KCNJ6: variants seen among roughly 807,000 people sequenced by gnomAD.
KCNJ6 encodes G protein-activated inward rectifier potassium channel 2.
In KCNJ6, 9 loss-of-function variants were observed where a neutral mutation model predicts 34.2. That is an observed-to-expected ratio of 0.26 (90% confidence interval 0.16 to 0.46). KCNJ6 has a LOEUF of 0.46. KCNJ6 is among the 20% of genes least tolerant of loss of function. The probability of loss-of-function intolerance (pLI) is 1.00; values close to 1 mark genes in which losing one functional copy is unlikely to be tolerated. For synonymous variants in KCNJ6, 196 were observed against 207.1 expected (o/e 0.95, Z 0.46); for missense variants, 236 against 531.3 (o/e 0.44, Z 5.46).
rs2054780265 is a variant in KCNJ6, at chr21:37,714,665, G to A, written c.492C>T (p.Cys164=). The change falls in exon 3 of 4, where the codon TGC becomes TGT. Residue 164 remains cysteine, a synonymous_variant. Coordinates refer to ENST00000609713, the MANE Select transcript of KCNJ6 (RefSeq NM_002240.5). The surrounding 1 kb of genome is among the most constrained non-coding windows in gnomAD (Gnocchi z 5.9). The part of the protein sequence containing the change: ...GYGYRVITDK[C]PEGIILLLIQ... ...TTAAGAGAAGAATAATTCCCTCTGG[G>A]CATTTATCTGTGATGACCCGGTAGC... The A allele has an allele frequency of 6.2e-7, 1 of 1,613,972 alleles. No individual in the cohort carries two copies.
chr21:37,804,691 C>A lies in KCNJ6; in HGVS notation c.25+35967G>T, dbSNP rs533610202. On this transcript the variant is annotated intron_variant, in intron 2 of 3. Transcript: ENST00000609713. ...TGCGGTATTTGGTTTTCTGTTCCTG[C>A]ATTAGCTTGGTAAGGATAATGGCCT... 7.9e-5 allele frequency among the ~76,000 whole-genome samples: 12 copies of A among 152,288 alleles called. No homozygotes were observed. The South Asian group carries it at 2.5e-3, about 32-fold the overall frequency.
At chr21:37,646,032 T>G (rs2054402799) in intron 3 of KCNJ6, among the ~76,000 whole-genome samples, 1 of 152,198 alleles carries the variant, frequency 6.6e-6, no homozygotes, top group Admixed American at 6.5e-5. Flanking sequence ...GTTTATAGAA[T>G]GTGAGACAAG....
At chr21:37,749,421 G>A (rs1460698116) in intron 2 of KCNJ6, among the ~76,000 whole-genome samples, 1 of 152,192 alleles carries the variant, frequency 6.6e-6, no homozygotes, top group Non-Finnish European at 1.5e-5. Flanking sequence ...GGGGCACCAT[G>A]CAGGGAGCCC....
rs1392848317 is a variant in KCNJ6 at position 37,695,669 on chromosome 21, G to A, written c.946+18542C>T. Among the ~76,000 whole-genome samples the A allele has an allele frequency of 1.3e-5, 2 of 152,180 alleles. No individual in the cohort carries two copies. Among genetic ancestry groups the A allele is most frequent in the Admixed American group, 6.5e-5 (1 of 15,286 alleles). ...TGAGCTATGAGTTTAGTTCAGATAC[G>A]TGTACTTAGCAGCCAGTTAAGCTGG... is the stretch of plus-strand genomic sequence containing the variant. On this transcript the variant is annotated intron_variant, in intron 3 of 3. Transcript: ENST00000609713. This position sits in a 1 kb window ranked among gnomAD's most constrained non-coding sequence, Gnocchi z 4.2.
At chr21:37,907,985 A>T (rs941678438) in intron 1 of KCNJ6, among the ~76,000 whole-genome samples, 1 of 152,246 alleles carries the variant, frequency 6.6e-6, no homozygotes, top group African/African-American at 2.4e-5. Flanking sequence ...GACATTATTT[A>T]CTTTGGAATG....
intron 3 of KCNJ6, among the ~76,000 whole-genome samples, chr21:37,706,422 T>C (rs988514074): frequency 6.6e-6 from 1 of 152,194 alleles, no homozygotes; most frequent in Non-Finnish European, 1.5e-5. Flanking sequence ...GGCACTGCCA[T>C]ATGACTTGCT....
chr21:37,844,087 T>A (rs2055494449), intron 1 of KCNJ6, among the ~76,000 whole-genome samples: 1 of 145,900 alleles, frequency 6.9e-6, no homozygotes. Context: ...TGAGATGGAG[T>A]CTTGCTCTGT....
At chr21:37,802,179 T>C (rs2123532971) in intron 2 of KCNJ6, among the ~76,000 whole-genome samples, 1 of 152,302 alleles carries the variant, frequency 6.6e-6, no homozygotes, top group East Asian at 1.9e-4. Context: ...CCTCATCCTG[T>C]GGTCCTTTCT....
chr21:37,836,346 C>T (rs946153272), intron 2 of KCNJ6, among the ~76,000 whole-genome samples: 209 of 152,304 alleles, frequency 1.4e-3, no homozygotes, highest in African/African-American at 4.7e-3. Context: ...CCTCAAGGAT[C>T]TAGAACCAGA....
chr21:37,670,710 A>G (rs2123407648), intron 3 of KCNJ6, among the ~76,000 whole-genome samples: 1 of 152,220 alleles, frequency 6.6e-6, no homozygotes, highest in East Asian at 1.9e-4. Context: ...GGCTGCAGTC[A>G]CCCAAGATCG....
intron 2 of KCNJ6, among the ~76,000 whole-genome samples, chr21:37,835,285 G>T (rs1035817097): frequency 7.2e-5 from 11 of 152,130 alleles, no homozygotes; most frequent in Middle Eastern, 3.2e-3. Flanking sequence ...GGTTGGAGGT[G>T]GGGGGTCCTA....
intron 3 of KCNJ6, among the ~76,000 whole-genome samples, chr21:37,710,779 C>T (rs551695176): frequency 3.6e-4 from 55 of 152,320 alleles, no homozygotes; most frequent in Middle Eastern, 3.4e-3. Context: ...CGTTTGTTTA[C>T]GTAGCTATGA....
chr21:37,791,466 C>A (rs1313409819), intron 2 of KCNJ6, among the ~76,000 whole-genome samples: 1 of 152,196 alleles, frequency 6.6e-6, no homozygotes, highest in Non-Finnish European at 1.5e-5. Flanking sequence ...AGCACATTGT[C>A]CCCTGACAAG....
intron 2 of KCNJ6, among the ~76,000 whole-genome samples, chr21:37,787,104 T>C (rs1449359871): frequency 6.6e-6 from 1 of 152,194 alleles, no homozygotes; most frequent in East Asian, 1.9e-4. Context: ...TTTTGTCCTC[T>C]GAATTCAGGC....
At chr21:37,681,065 A>G (rs2054588511) in intron 3 of KCNJ6, among the ~76,000 whole-genome samples, 1 of 152,218 alleles carries the variant, frequency 6.6e-6, no homozygotes, top group African/African-American at 2.4e-5. Flanking sequence ...CCTGAGGATC[A>G]TGTTGGTTGT....
At chr21:37,729,048 A>G (rs2054870314) in intron 2 of KCNJ6, among the ~76,000 whole-genome samples, 1 of 152,164 alleles carries the variant, frequency 6.6e-6, no homozygotes, top group Non-Finnish European at 1.5e-5. Flanking sequence ...AGAAAGTTTG[A>G]AGTCATAGGT....
At chr21:37,693,093 C>T (rs1258503408) in intron 3 of KCNJ6, among the ~76,000 whole-genome samples, 2 of 152,168 alleles carry the variant, frequency 1.3e-5, no homozygotes, top group Non-Finnish European at 2.9e-5. Context: ...AAACATCCCT[C>T]TATTTTGACA....
At chr21:37,746,060 A>G (rs527308073) in intron 2 of KCNJ6, among the ~76,000 whole-genome samples, 103 of 152,238 alleles carry the variant, frequency 6.8e-4, no homozygotes, top group African/African-American at 2.4e-3. Context: ...AGCAAACTCT[A>G]TCTGTGATCT....
At chr21:37,784,921 C>A (rs1485879380) in intron 2 of KCNJ6, among the ~76,000 whole-genome samples, 3 of 152,192 alleles carry the variant, frequency 2.0e-5, no homozygotes. Flanking sequence ...TGGAGCCTCA[C>A]CCCTCAAGGG....
Sources: gnomAD v4.1 joint callset for allele counts (sites outside exome capture counted in the v4.1 genomes callset) on GRCh38, gnomAD v4.1.1 for gene constraint, Gnocchi (gnomAD v3.1) non-coding constraint, MANE v1.5 for transcripts, NCBI Gene and HGNC (gene_info 2026-07-23, HGNC 2026-07-21) for gene names.